BMP5: variants seen among roughly 807,000 people sequenced by gnomAD.
The protein encoded by BMP5 is bone morphogenetic protein 5.
In BMP5, 23 loss-of-function variants were observed where a neutral mutation model predicts 46.6. The ratio of observed to expected loss-of-function variants is 0.49; its 90% confidence interval spans 0.35 to 0.70. The LOEUF (loss-of-function observed/expected upper bound fraction) is 0.70. Among genes scored for constraint, BMP5 ranks in the 30% least tolerant of loss-of-function variants. The pLI is 0.00. For synonymous variants in BMP5, 204 were observed against 191.9 expected (o/e 1.06, Z -0.52); for missense variants, 545 against 565.6 (o/e 0.96, Z 0.37).
chr6:55,869,029 A>C (rs1387411980), intron 1 of BMP5, among the ~76,000 whole-genome samples: 6 of 152,178 alleles, frequency 3.9e-5, no homozygotes, highest in South Asian at 4.1e-4. Flanking sequence ...CAACCCTTTC[A>C]GTGGTTCCTC....
At chr6:55,834,447 T>C (rs1206838101) in intron 1 of BMP5, among the ~76,000 whole-genome samples, 1 of 152,142 alleles carries the variant, frequency 6.6e-6, no homozygotes, top group Non-Finnish European at 1.5e-5. Flanking sequence ...ATCTCTGACA[T>C]AGAAGGCCAT....
At chr6:55,804,045 T>C (rs773609986) in intron 2 of BMP5, among the ~76,000 whole-genome samples, 76 of 152,332 alleles carry the variant, frequency 5.0e-4, no homozygotes, top group Non-Finnish European at 9.1e-4. Context: ...TCTTATTCCT[T>C]ATGACTCACA....
chr6:55,776,185 A>G lies in BMP5; in HGVS notation c.833-1942T>C, dbSNP rs1207327641. 1.7e-4 allele frequency among the ~76,000 whole-genome samples: 26 copies of G among 152,116 alleles called. No individual in the cohort carries two copies. The East Asian group carries it at 5.0e-3, about 29-fold the overall frequency. ...AGTCTATATTTTTTAGAAAAACTCT[A>G]TCACTGGCATAAATGAAAGAGGCAG... is the stretch of plus-strand genomic sequence containing the variant. On this transcript the variant is annotated intron_variant, in intron 3 of 6. Coordinates refer to ENST00000370830, the MANE Select transcript of BMP5 (RefSeq NM_021073.4).
intron 1 of BMP5, among the ~76,000 whole-genome samples, chr6:55,856,736 T>C (rs1274447327): frequency 6.6e-6 from 1 of 152,096 alleles, no homozygotes; most frequent in Non-Finnish European, 1.5e-5. Context: ...ATTTAACTGT[T>C]CCATGGAATC....
chr6:55,844,531 G>A (rs1038963633), intron 1 of BMP5, among the ~76,000 whole-genome samples: 5 of 151,672 alleles, frequency 3.3e-5, no homozygotes, highest in Non-Finnish European at 5.9e-5. Context: ...TTTTTTTCTC[G>A]AGAGTGATTT....
At chr6:55,866,555 C>G (rs7754910) in intron 1 of BMP5, among the ~76,000 whole-genome samples, 6,037 of 152,176 alleles carry the variant, frequency 0.04, 381 homozygotes, top group African/African-American at 0.13. Flanking sequence ...ATACAATTGA[C>G]AATAAACAGG....
intron 1 of BMP5, among the ~76,000 whole-genome samples, chr6:55,865,146 A>G (rs1320621495): frequency 1.3e-5 from 2 of 152,170 alleles, no homozygotes; most frequent in Non-Finnish European, 2.9e-5. Context: ...CTAAATTTTC[A>G]TCATGAATCA....
intron 4 of BMP5, 79 bp downstream of exon 4, chr6:55,773,970 A>C: frequency 6.7e-7 from 1 of 1,492,034 alleles, no homozygotes; most frequent in South Asian, 1.1e-5. Context: ...ATAGAGGGTA[A>C]ATTTATTGTG....
At chr6:55,789,003 T>C (rs1041767993) in intron 3 of BMP5, among the ~76,000 whole-genome samples, 2 of 151,848 alleles carry the variant, frequency 1.3e-5, no homozygotes, top group African/African-American at 4.8e-5. Context: ...TTAAACTTTC[T>C]GACTTTAAAC....
chr6:55,819,875 A>G (rs1029695838), intron 1 of BMP5, 28 bp from the exon 2 acceptor site: 10 of 1,562,734 alleles, frequency 6.4e-6, no homozygotes, highest in African/African-American at 1.4e-5. Flanking sequence ...GTTGAGGGGG[A>G]AAAAAGTTAG....
At chr6:55,781,453 G>A (rs768380546) in intron 3 of BMP5, among the ~76,000 whole-genome samples, 14 of 151,978 alleles carry the variant, frequency 9.2e-5, no homozygotes, top group East Asian at 1.9e-4. Context: ...GCTTTTAGAT[G>A]TCAAACACAT....
chr6:55,859,581 A>C (rs1342237761), intron 1 of BMP5, among the ~76,000 whole-genome samples: 1 of 152,224 alleles, frequency 6.6e-6, no homozygotes, highest in African/African-American at 2.4e-5. Context: ...CAGTTCAACT[A>C]TACAAAAAGG....
intron 1 of BMP5, among the ~76,000 whole-genome samples, chr6:55,847,746 A>G (rs931155438): frequency 6.6e-6 from 1 of 151,934 alleles, no homozygotes; most frequent in Non-Finnish European, 1.5e-5. Flanking sequence ...AATGTAGTCA[A>G]TTCTCCACTG....
Position 55,835,608 on chromosome 6 carries a change from C to T in BMP5, c.491-15761G>A, listed in dbSNP as rs145022847. Among the ~76,000 whole-genome samples, 265 of 152,304 alleles carry T rather than the reference C, an allele frequency of 1.7e-3. 1 individual carries two copies. Among genetic ancestry groups the T allele is most frequent in the African/African-American group, 5.2e-3 (217 of 41,576 alleles). On this transcript the variant is annotated intron_variant, in intron 1 of 6. Coordinates refer to ENST00000370830, the MANE Select transcript of BMP5 (RefSeq NM_021073.4). ...GTAGACAGTACTGTTGTGTTTAATG[C>T]TAAGCTATGTCGTTCTTTTCTCAGG...
At chr6:55,871,573 T>C (rs1420781146) in intron 1 of BMP5, among the ~76,000 whole-genome samples, 2 of 151,896 alleles carry the variant, frequency 1.3e-5, no homozygotes, top group Non-Finnish European at 3.0e-5. Context: ...TTTTCACTTA[T>C]GAATATAAAG....
intron 1 of BMP5, among the ~76,000 whole-genome samples, chr6:55,860,204 G>A (rs1226079346): frequency 6.6e-6 from 1 of 151,276 alleles, no homozygotes; most frequent in Admixed American, 6.6e-5. Context: ...GAGCCCAGGA[G>A]GTGAGGCTGC....
chr6:55,816,780 T>C (rs1355680379), intron 2 of BMP5, among the ~76,000 whole-genome samples: 1 of 151,974 alleles, frequency 6.6e-6, no homozygotes, highest in Non-Finnish European at 1.5e-5. Flanking sequence ...GGAAGACTAG[T>C]TAAAATAGAA....
intron 1 of BMP5, among the ~76,000 whole-genome samples, chr6:55,840,291 C>T (rs1162262099): frequency 6.6e-6 from 1 of 152,020 alleles, no homozygotes; most frequent in Non-Finnish European, 1.5e-5. Flanking sequence ...TTTAAAAATA[C>T]TTATGTTGTC....
chr6:55,819,567 G>C, intron 2 of BMP5, 88 bp downstream of exon 2: 1 of 1,078,572 alleles, frequency 9.3e-7, no homozygotes, highest in Non-Finnish European at 1.4e-6. Flanking sequence ...AAAATAATTT[G>C]TTTGATAGAT....
Sources: gnomAD v4.1 joint callset for allele counts (sites outside exome capture counted in the v4.1 genomes callset) on GRCh38, gnomAD v4.1.1 for gene constraint, MANE v1.5 for transcripts, NCBI Gene and HGNC (gene_info 2026-07-23, HGNC 2026-07-21) for gene names.